The following TXNRD3 variants were observed in gnomAD, a reference collection of about 807,000 sequenced individuals.
TXNRD3 encodes the protein thioredoxin reductase 3.
TXNRD3 carries 68 observed loss-of-function variants against 78.2 expected under a neutral mutation model. The observed-to-expected ratio is 0.87, with a 90% CI of 0.72 to 1.06. TXNRD3 has a LOEUF of 1.06. TXNRD3 is among the 50% of genes least tolerant of loss of function. The probability of loss-of-function intolerance (pLI) is 0.00; values close to 1 mark genes in which losing one functional copy is unlikely to be tolerated. For synonymous variants in TXNRD3, 296 were observed against 300.1 expected, an observed-to-expected ratio of 0.99 and a Z score of 0.14; for missense variants, 751 against 809.5, an observed-to-expected ratio of 0.93 and a Z score of 0.88.
chr3:126,607,886 GAACTA>G lies in TXNRD3; in HGVS notation c.*14_*18del. ...GAGAGAAATGAGAATATGACAAGGA[GAACTA>G]AACAGCAGCAGGCCTAGCCTCAGCA... On this transcript the variant is annotated 3_prime_UTR_variant, in exon 16 of 16. Coordinates refer to ENST00000524230, the MANE Select transcript of TXNRD3 (RefSeq NM_052883.3). 2.0e-6 allele frequency: 3 copies of G among 1,498,070 alleles called. No homozygotes were observed. Among genetic ancestry groups the G allele is most frequent in the Non-Finnish European group, 1.8e-6 (2 of 1,119,206 alleles). The allele number at this position is 1,498,070 out of a possible 1,614,324, so 92.8% of individuals were successfully genotyped here. A position where few individuals can be genotyped will look rare whatever the true frequency, so the allele number is the denominator to read the frequency against.
rs532687425 is a variant in TXNRD3 at position 126,621,046 on chromosome 3, C to T, written c.1524+696G>A. On this transcript the variant is annotated intron_variant, in intron 12 of 15. Coordinates refer to ENST00000524230, the MANE Select transcript of TXNRD3 (RefSeq NM_052883.3). ...GGGACACTACTCATAGTCCTTAGCACGAGCCAAGCACTACAGGTCTCTGCG... is the reference window on the plus strand; with the variant it reads ...GGGACACTACTCATAGTCCTTAGCATGAGCCAAGCACTACAGGTCTCTGCG... Among the ~76,000 whole-genome samples the T allele has an allele frequency of 7.2e-5, 11 of 152,298 alleles. No individual in the cohort carries two copies. In the East Asian group the frequency reaches 9.6e-4, roughly 13 times the overall value.
In TXNRD3 at chr3:126,621,724, A is replaced by C; in HGVS notation, c.1524+18T>G. The C allele has an allele frequency of 6.8e-7, 1 of 1,475,060 alleles. No individual in the cohort carries two copies. The highest frequency in any genetic ancestry group is 8.9e-7 in the Non-Finnish European group (1 of 1,122,540). The allele number at this position is 1,475,060 out of a possible 1,614,324, so 91.4% of individuals were successfully genotyped here. The stretch of plus-strand genomic sequence containing the variant: ...GATCTTGATCAGGACATTATCTCAA[A>C]AACAGTAAGAAACTTACCTTTTCTA... On this transcript the variant is annotated intron_variant, in intron 12 of 15. Transcript: ENST00000524230.
At chr3:126,623,305 T>C (rs2107615040) in intron 10 of TXNRD3, among the ~76,000 whole-genome samples, 1 of 152,290 alleles carries the variant, frequency 6.6e-6, no homozygotes, top group South Asian at 2.1e-4. Flanking sequence ...ACAAAAACTC[T>C]TTCAGGAAAG....
At chr3:126,650,969 T>G (rs781430288) in intron 1 of TXNRD3, among the ~76,000 whole-genome samples, 4 of 152,200 alleles carry the variant, frequency 2.6e-5, no homozygotes, top group Non-Finnish European at 5.9e-5. Context: ...AATTAGACTA[T>G]GAGCGTATGG....
intron 1 of TXNRD3, among the ~76,000 whole-genome samples, chr3:126,652,906 C>T (rs918070643): frequency 1.3e-5 from 2 of 152,206 alleles, no homozygotes; most frequent in African/African-American, 4.8e-5. Flanking sequence ...GTGCACCCTC[C>T]GCCCCTAACA....
At chr3:126,641,984 C>T (rs1173604959) in intron 6 of TXNRD3, 48 bp downstream of exon 6, 2 of 1,465,428 alleles carry the variant, frequency 1.4e-6, no homozygotes, top group African/African-American at 1.4e-5. Context: ...ATCTAAAAAA[C>T]TCATTTTTTC....
intron 6 of TXNRD3, among the ~76,000 whole-genome samples, chr3:126,635,575 C>T (rs952281918): frequency 1.3e-5 from 2 of 151,860 alleles, no homozygotes; most frequent in South Asian, 2.1e-4. Context: ...TTTTTCAAAA[C>T]GAATTTTAAA....
In TXNRD3 at chr3:126,654,783, T is replaced by C. The variant is rs1267758450; in HGVS notation, c.208A>G (p.Ile70Val). The C allele has an allele frequency of 1.4e-6, 2 of 1,429,352 alleles. No individual in the cohort carries two copies. The highest frequency in any genetic ancestry group is 2.7e-5 in the South Asian group (2 of 72,904). 88.5% of individuals were successfully genotyped at this position (1,429,352 alleles called of 1,614,324 possible). Residue 70 changes from isoleucine (I) to valine (V), a missense_variant, in exon 1 of 16, where the codon ATC becomes GTC. Physicochemically the swap from Ile to Val is conservative, Grantham distance 29 (BLOSUM62 3). Coordinates refer to ENST00000524230, the MANE Select transcript of TXNRD3 (RefSeq NM_052883.3). The stretch of plus-strand genomic sequence containing the variant: ...TGGGGACAGTAGCTCTTGCTGAAGA[T>C]CACCACCCGGCTGCGCTCGATGAGG...
At chr3:126,634,567 C>G (rs1401202996) in intron 6 of TXNRD3, among the ~76,000 whole-genome samples, 1 of 152,170 alleles carries the variant, frequency 6.6e-6, no homozygotes, top group Non-Finnish European at 1.5e-5. Context: ...CTCACCACTG[C>G]CAACCTTCAA....
intron 1 of TXNRD3, among the ~76,000 whole-genome samples, chr3:126,647,985 A>G (rs1933280499): frequency 6.6e-6 from 1 of 152,220 alleles, no homozygotes; most frequent in Non-Finnish European, 1.5e-5. Flanking sequence ...TCACAGACAC[A>G]CACATACCAA....
rs74587046 is a variant in TXNRD3, at chr3:126,613,556, A to G, written c.1632+1799T>C. ...ACACTCACACTTCCTCCCATCCCCA[A>G]TCATGCACTGCATGTGTTGCAAAAC... On this transcript the variant is annotated intron_variant, in intron 13 of 15. Transcript: ENST00000524230. Among the ~76,000 whole-genome samples, 1,139 of 152,254 alleles carry G rather than the reference A, an allele frequency of 7.5e-3. 12 individuals carry two copies. Among genetic ancestry groups the G allele is most frequent in the African/African-American group, 0.026 (1,084 of 41,544 alleles).
At chr3:126,640,857 T>A (rs1199600450) in intron 6 of TXNRD3, among the ~76,000 whole-genome samples, 4 of 145,598 alleles carry the variant, frequency 2.7e-5, no homozygotes, top group African/African-American at 2.6e-5. Flanking sequence ...CAAAATGGAG[T>A]AACTTGTGTA....
intron 6 of TXNRD3, among the ~76,000 whole-genome samples, chr3:126,637,304 T>C (rs1932932148): frequency 6.6e-6 from 1 of 152,212 alleles, no homozygotes; most frequent in Non-Finnish European, 1.5e-5. Flanking sequence ...TGCATATCTG[T>C]ATGAGTTTCC....
Position 126,630,821 on chromosome 3 carries a change from A to C in TXNRD3, c.1088T>G (p.Met363Arg). The C allele has an allele frequency of 3.3e-6, 5 of 1,535,830 alleles. No individual in the cohort carries two copies. In the South Asian group the frequency reaches 3.6e-5, roughly 11 times the overall value. The change falls in exon 9 of 16, where the codon ATG becomes AGG. Residue 363 changes from methionine (M) to arginine (R), a missense_variant. Met to Arg is a moderately conservative substitution (Grantham distance 91). Transcript: ENST00000524230. ...GCCACGGAGAAGGATTGAGCGTACC[A>C]TAACTGTGACATCTAGGCCAAAGCC...
Position 126,646,161 on chromosome 3 carries a change from TGG to T in TXNRD3, c.362_363del (p.Pro121GlnfsTer6). ...ACATGCACTTTATTCACGAAAATAT[TGG>T]GCACAGTTTTCTGATTAGTGATTTC... is the stretch of plus-strand genomic sequence containing the variant. On this transcript the variant is annotated frameshift_variant, in exon 3 of 16. Transcript: ENST00000524230. LOFTEE classifies it high-confidence loss of function. 5 of 1,534,392 alleles carry T rather than the reference TGG, an allele frequency of 3.3e-6. No homozygotes were observed. The highest frequency in any genetic ancestry group is 3.5e-6 in the Non-Finnish European group (4 of 1,146,242).
intron 5 of TXNRD3, among the ~76,000 whole-genome samples, chr3:126,643,712 CT>C (rs1325918791): frequency 6.6e-5 from 10 of 151,594 alleles, no homozygotes; most frequent in Non-Finnish European, 1.5e-4. Flanking sequence ...GACTCAGTTT[CT>C]TTTTTTTAAT....
chr3:126,608,637 T>A lies in TXNRD3; in HGVS notation c.1729-4A>T. On this transcript the variant is annotated splice_polypyrimidine_tract_variant and splice_region_variant and intron_variant, in intron 14 of 15. Transcript: ENST00000524230. ...TATGAAATCCTATCACCCGATCCTTTAATACAGAAACAAAACAAAGAGAAT... is the reference window on the plus strand; with the variant it reads ...TATGAAATCCTATCACCCGATCCTTAAATACAGAAACAAAACAAAGAGAAT... 2 of 1,533,006 alleles carry A rather than the reference T, an allele frequency of 1.3e-6. No individual in the cohort carries two copies. The highest frequency in any genetic ancestry group is 1.7e-6 in the Non-Finnish European group (2 of 1,145,866). The allele number at this position is 1,533,006 out of a possible 1,614,324, so 95.0% of individuals were successfully genotyped here. A position where few individuals can be genotyped will look rare whatever the true frequency, so the allele number is the denominator to read the frequency against.
chr3:126,612,416 C>A (rs987076177), intron 13 of TXNRD3, among the ~76,000 whole-genome samples: 1 of 152,114 alleles, frequency 6.6e-6, no homozygotes, highest in Non-Finnish European at 1.5e-5. Context: ...TTAGGATACA[C>A]TTTCCTAAAA....
chr3:126,648,559 A>AT (rs1933295544), intron 1 of TXNRD3, among the ~76,000 whole-genome samples: 1 of 152,144 alleles, frequency 6.6e-6, no homozygotes, highest in South Asian at 2.1e-4. Flanking sequence ...CAGGGAAATG[A>AT]TTTTTTACAA....
Sources: gnomAD v4.1 joint callset for allele counts (sites outside exome capture counted in the v4.1 genomes callset) on GRCh38, gnomAD v4.1.1 for gene constraint, MANE v1.5 for transcripts, NCBI Gene and HGNC (gene_info 2026-07-23, HGNC 2026-07-21) for gene names.